The following TOP3A variants were observed in gnomAD, a reference collection of about 807,000 sequenced individuals.
TOP3A encodes DNA topoisomerase 3-alpha.
A neutral mutation model predicts 111.3 loss-of-function variants in TOP3A; 64 were observed. The ratio of observed to expected loss-of-function variants is 0.57; its 90% CI spans 0.47 to 0.71. TOP3A has a LOEUF of 0.71. TOP3A is among the 30% of genes least tolerant of loss of function. TOP3A has a pLI of 0.00. For synonymous variants in TOP3A, 484 were observed against 485.1 expected (o/e 1.00, Z 0.03); for missense variants, 1,104 against 1,285.0 (o/e 0.86, Z 2.15).
chr17:18,307,040 G>A, intron 3 of TOP3A, 74 bp from the exon 4 acceptor site: 1 of 1,021,930 alleles, frequency 9.8e-7, no homozygotes, highest in Non-Finnish European at 1.5e-6. Context: ...ACAGCAAACT[G>A]TTCCAATGGG....
chr17:18,305,662 C>A (rs908298882), intron 4 of TOP3A, among the ~76,000 whole-genome samples: 1 of 151,698 alleles, frequency 6.6e-6, no homozygotes, highest in Non-Finnish European at 1.5e-5. Flanking sequence ...CACGGTGAAA[C>A]CCTGTCTCTA....
chr17:18,301,862 C>T (rs1981245964), intron 8 of TOP3A, 23 bp downstream of exon 8: 2 of 1,600,612 alleles, frequency 1.2e-6, no homozygotes, highest in Non-Finnish European at 1.7e-6. Flanking sequence ...CAGAATGTTT[C>T]CTAGATCATT....
At position 18,292,714 on chromosome 17, in the gene TOP3A, T is replaced by G. The variant is rs776790180; in HGVS notation, c.1212A>C (p.Pro404=). ...CTTGGTCAGACTTGTTCCCATTGCG[T>G]GGGGTGGGACCACCCCGCTCTAGAA... ...QSILERGGPT[P]RNGNKSDQAH... The change falls in exon 11 of 19, where the codon CCA becomes CCC. Residue 404 remains proline, a synonymous_variant. Coordinates refer to ENST00000321105, the MANE Select transcript of TOP3A (RefSeq NM_004618.5). 4 of 1,609,058 alleles carry G rather than the reference T, an allele frequency of 2.5e-6. No homozygotes were observed. Among genetic ancestry groups the G allele is most frequent in the Non-Finnish European group, 3.4e-6 (4 of 1,176,674 alleles).
chr17:18,289,581 T>A (rs1246390006), intron 13 of TOP3A, among the ~76,000 whole-genome samples: 3 of 152,146 alleles, frequency 2.0e-5, no homozygotes, highest in Non-Finnish European at 2.9e-5. Context: ...CCCAGCAAGA[T>A]GGGGTTTTAC....
At chr17:18,278,501 C>G (rs1979552404) in intron 17 of TOP3A, 144 bp from the exon 18 acceptor site, 1 of 643,612 alleles carries the variant, frequency 1.6e-6, no homozygotes, top group East Asian at 2.9e-5. Flanking sequence ...GTGAGGCCCT[C>G]TATCAGCCCA....
chr17:18,297,907 C>T (rs1215184864), intron 9 of TOP3A, among the ~76,000 whole-genome samples: 1 of 151,728 alleles, frequency 6.6e-6, no homozygotes, highest in Non-Finnish European at 1.5e-5. Context: ...TGAGGAGCCC[C>T]TCTGCCTGGC....
chr17:18,303,292 G>A (rs550730827), intron 5 of TOP3A, among the ~76,000 whole-genome samples: 1 of 152,296 alleles, frequency 6.6e-6, no homozygotes, highest in South Asian at 2.1e-4. Context: ...GAAAGCCTGG[G>A]TATTGTCAAG....
At position 18,285,527 on chromosome 17, in the gene TOP3A, G is replaced by T; in HGVS notation, c.1598-7C>A. 6.2e-7 allele frequency: 1 copy of T among 1,612,778 alleles called. No individual in the cohort carries two copies. The highest frequency in any genetic ancestry group is 1.1e-5 in the South Asian group (1 of 90,900). ...GCATGAGTGGCATCCGTACCTGGAA[G>T]CCACTTGCTGGTTACTCTGAGGTAA... On this transcript the variant is annotated splice_region_variant and splice_polypyrimidine_tract_variant and intron_variant, in intron 13 of 18. Transcript: ENST00000321105.
intron 13 of TOP3A, among the ~76,000 whole-genome samples, chr17:18,287,492 C>T (rs1980175678): frequency 6.6e-6 from 1 of 151,882 alleles, no homozygotes; most frequent in South Asian, 2.1e-4. Flanking sequence ...TGCCACTACA[C>T]TCCAGCCTGG....
Position 18,314,589 on chromosome 17 carries a change from GCTTT to G in TOP3A, c.180+6_180+9del, listed in dbSNP as rs1361227583. ...TAAGGCACGCAGCTGATCGGAACGC[GCTTT>G]CTTACCCGCCTCATGCGACCGTTTG... On this transcript the variant is annotated splice_donor_region_variant and intron_variant, in intron 1 of 18. Transcript: ENST00000321105. 3 of 1,604,422 alleles carry G rather than the reference GCTTT, an allele frequency of 1.9e-6. No homozygotes were observed. Among genetic ancestry groups the G allele is most frequent in the East Asian group, 2.3e-5 (1 of 44,308 alleles).
At position 18,272,652 on chromosome 17, in the gene TOP3A, A is replaced by T. The variant is rs148506123; in HGVS notation, c.*2150T>A. On this transcript the variant is annotated 3_prime_UTR_variant, in exon 19 of 19. Transcript: ENST00000321105. ...CTGACAAACATCAGCCAAGTCAAAG[A>T]AACCAGACACAGGATGTCATGTATG... Among the ~76,000 whole-genome samples, 271 of 152,280 alleles carry T rather than the reference A, an allele frequency of 1.8e-3. 1 individual carries two copies. Among genetic ancestry groups the T allele is most frequent in the Middle Eastern group, 6.8e-3 (2 of 294 alleles).
At position 18,278,198 on chromosome 17, in the gene TOP3A, A is replaced by G. The variant is rs376647227; in HGVS notation, c.2304T>C (p.Ala768=). The change falls in exon 18 of 19, where the codon GCT becomes GCC. Residue 768 remains alanine (A), a synonymous_variant. Transcript: ENST00000321105. ...TGTCCATCCTGTTCAGGGACTGGTT[A>G]GCCTGCAGGCGGCCAGAGGGCTGGC... The part of the protein sequence containing the change: ...RASQPSGRLQ[A]NQSLNRMDNS... 1.2e-6 allele frequency: 2 copies of G among 1,607,024 alleles called. No individual in the cohort carries two copies. Among genetic ancestry groups the G allele is most frequent in the Non-Finnish European group, 1.7e-6 (2 of 1,174,382 alleles).
At chr17:18,297,744 G>A (rs1423170226) in intron 9 of TOP3A, among the ~76,000 whole-genome samples, 1 of 152,054 alleles carries the variant, frequency 6.6e-6, no homozygotes, top group African/African-American at 2.4e-5. Flanking sequence ...GCCCAGGCTG[G>A]AGTGCAGTGG....
At position 18,277,659 on chromosome 17, in the gene TOP3A, C is replaced by A; in HGVS notation, c.2827+16G>T. The stretch of plus-strand genomic sequence containing the variant: ...AAAACTGAAGGCAGGGATTCCCATG[C>A]CCCTCCCTGCCTCACCTGGAGCGGT... On this transcript the variant is annotated intron_variant, in intron 18 of 18. Coordinates refer to ENST00000321105, the MANE Select transcript of TOP3A (RefSeq NM_004618.5). The A allele has an allele frequency of 1.3e-6, 2 of 1,591,062 alleles. No homozygotes were observed. The highest frequency in any genetic ancestry group is 1.7e-6 in the Non-Finnish European group (2 of 1,162,954).
In TOP3A at chr17:18,285,806, T is replaced by C. The variant is rs373739617; in HGVS notation, c.1598-286A>G. Among the ~76,000 whole-genome samples, 227 of 152,338 alleles carry C rather than the reference T, an allele frequency of 1.5e-3. 1 individual carries two copies. Among genetic ancestry groups the C allele is most frequent in the Middle Eastern group, 0.01 (3 of 294 alleles). ...GTCCAAGCCATACTTGCAGCTTGTG[T>C]CCCTATTTCTAGTCTCTTCCTCTAC... On this transcript the variant is annotated intron_variant, in intron 13 of 18. Transcript: ENST00000321105.
At chr17:18,308,803 G>A (rs902547082) in intron 2 of TOP3A, 79 bp downstream of exon 2, 14 of 910,696 alleles carry the variant, frequency 1.5e-5, no homozygotes, top group East Asian at 8.3e-5. Context: ...TTAAGACAGC[G>A]ACATATTCTA....
chr17:18,306,895 A>G lies in TOP3A; in HGVS notation c.386T>C (p.Ile129Thr). The change falls in exon 4 of 19, where the codon ATC becomes ACC. Residue 129 changes from isoleucine (I) to threonine (T), a missense_variant. By Grantham distance (89) the Ile-to-Thr change is moderately conservative. Coordinates refer to ENST00000321105, the MANE Select transcript of TOP3A (RefSeq NM_004618.5). ...ATGTCTTCCAAAAGACCCTACCTTG[A>G]TGTCTACAAAATTCTCTGGGCAGTA... ...EKYCPENFVD[I>T]KKTLERETRQ... 3 of 1,609,570 alleles carry G rather than the reference A, an allele frequency of 1.9e-6. No homozygotes were observed. The highest frequency in any genetic ancestry group is 2.2e-5 in the East Asian group (1 of 44,846).
intron 15 of TOP3A, 41 bp from the exon 16 acceptor site, chr17:18,282,882 C>A (rs201616779): frequency 6.2e-7 from 1 of 1,610,536 alleles, no homozygotes; most frequent in Non-Finnish European, 8.5e-7. Flanking sequence ...AGCCAGCAAT[C>A]GCTGCAAAGG....
chr17:18,279,221 T>C (rs567556986), intron 17 of TOP3A, among the ~76,000 whole-genome samples: 1 of 152,322 alleles, frequency 6.6e-6, no homozygotes. Flanking sequence ...ACAAGTTATT[T>C]ACAGTAGTAT....
Sources: gnomAD v4.1 joint callset for allele counts (sites outside exome capture counted in the v4.1 genomes callset) on GRCh38, gnomAD v4.1.1 for gene constraint, MANE v1.5 for transcripts, NCBI Gene and HGNC (gene_info 2026-07-23, HGNC 2026-07-21) for gene names.